Variants in SDK1 observed in about 807,000 individuals in gnomAD.
The protein encoded by SDK1 is protein sidekick-1.
SDK1 carries 157 observed loss-of-function variants against 245.5 expected under a neutral mutation model. The observed-to-expected ratio is 0.64, with a 90% CI of 0.56 to 0.73. The LOEUF is 0.73. Among genes scored for constraint, SDK1 ranks in the 30% least tolerant of loss-of-function variants. The pLI is 0.00. For missense variants in SDK1, 3,583 were observed against 3,002.3 expected (o/e 1.19, Z -4.52); for synonymous variants, 1,647 against 1,278.5 (o/e 1.29, Z -6.15).
rs601424 is a variant in SDK1, at chr7:4,174,245, T to C, written c.4824T>C (p.Asn1608=). 1,073,339 of 1,613,212 alleles carry C rather than the reference T, an allele frequency of 0.67. 358,530 individuals are homozygous for C. Among genetic ancestry groups the C allele is most frequent in the East Asian group, 0.76 (34,197 of 44,838 alleles). ...QWQPPRDESL[N]GLLQGYRIYY... ...AGCCTCCGAGGGACGAAAGCCTGAATGGCCTTCTTCAGGGATACAGGATCT... is the reference window on the plus strand; with the variant it reads ...AGCCTCCGAGGGACGAAAGCCTGAACGGCCTTCTTCAGGGATACAGGATCT... Residue 1608 remains asparagine, a synonymous_variant, in exon 33 of 45, where the codon AAT becomes AAC. Coordinates refer to ENST00000404826, the MANE Select transcript of SDK1 (RefSeq NM_152744.4).
intron 5 of SDK1, among the ~76,000 whole-genome samples, chr7:3,828,992 C>A (rs1779849532): frequency 6.6e-6 from 1 of 151,962 alleles, no homozygotes; most frequent in Non-Finnish European, 1.5e-5. Context: ...TTTTCAGAGG[C>A]TGTGATATGA....
At chr7:3,784,732 A>C (rs1780848122) in intron 4 of SDK1, among the ~76,000 whole-genome samples, 1 of 152,234 alleles carries the variant, frequency 6.6e-6, no homozygotes, top group Non-Finnish European at 1.5e-5. Context: ...CAGGATGTGA[A>C]GGAAAGGGAA....
At chr7:4,184,282 A>G (rs904320340) in intron 35 of SDK1, among the ~76,000 whole-genome samples, 1 of 152,184 alleles carries the variant, frequency 6.6e-6, no homozygotes, top group Non-Finnish European at 1.5e-5. Context: ...CCCATAGGTA[A>G]GCGTGCAGGT....
At chr7:3,736,699 G>A (rs1251110333) in intron 4 of SDK1, among the ~76,000 whole-genome samples, 1 of 152,188 alleles carries the variant, frequency 6.6e-6, no homozygotes, top group Non-Finnish European at 1.5e-5. Flanking sequence ...TATACAGCGT[G>A]ATGCTTTGAT....
intron 1 of SDK1, among the ~76,000 whole-genome samples, chr7:3,516,118 C>CTT (rs11371619): frequency 0.083 from 11,584 of 139,922 alleles, 556 homozygotes; most frequent in East Asian, 0.22. Flanking sequence ...AAGATATTTT[C>CTT]TTTTTTTTTT....
chr7:3,427,290 A>G (rs1779704948), intron 1 of SDK1, among the ~76,000 whole-genome samples: 1 of 152,188 alleles, frequency 6.6e-6, no homozygotes. Flanking sequence ...AGGCCGAGAC[A>G]GACGGATTGC....
intron 1 of SDK1, among the ~76,000 whole-genome samples, chr7:3,475,439 G>A (rs1416572803): frequency 6.6e-6 from 1 of 152,168 alleles, no homozygotes; most frequent in Non-Finnish European, 1.5e-5. Flanking sequence ...TCCACCCTTG[G>A]AGCACGTCTC....
At chr7:3,433,888 A>G (rs1417642861) in intron 1 of SDK1, among the ~76,000 whole-genome samples, 1 of 152,260 alleles carries the variant, frequency 6.6e-6, no homozygotes, top group Non-Finnish European at 1.5e-5. Context: ...ACACAGTTTT[A>G]CATGAAAGTC....
chr7:3,519,178 A>G (rs1200762012), intron 1 of SDK1, among the ~76,000 whole-genome samples: 1 of 152,098 alleles, frequency 6.6e-6, no homozygotes, highest in Non-Finnish European at 1.5e-5. Flanking sequence ...TTGTTAAAGG[A>G]TATGAAACTC....
At chr7:4,232,413 T>C (rs1785850174) in intron 40 of SDK1, among the ~76,000 whole-genome samples, 2 of 125,524 alleles carry the variant, frequency 1.6e-5, no homozygotes, top group African/African-American at 5.7e-5. Flanking sequence ...TTTTCTTTCT[T>C]TTTTTTTTTT....
At chr7:3,903,109 G>GT (rs1057377344) in intron 5 of SDK1, among the ~76,000 whole-genome samples, 1 of 150,642 alleles carries the variant, frequency 6.6e-6, no homozygotes, top group East Asian at 1.9e-4. Flanking sequence ...AGGATGACAG[G>GT]TTTTTTAGTT....
At chr7:3,803,070 A>C (rs889635791) in intron 4 of SDK1, among the ~76,000 whole-genome samples, 1 of 152,050 alleles carries the variant, frequency 6.6e-6, no homozygotes, top group East Asian at 1.9e-4. Flanking sequence ...TGGCTATACT[A>C]TTTTTCATTC....
intron 22 of SDK1, among the ~76,000 whole-genome samples, chr7:4,081,996 C>G (rs192474807): frequency 1.8e-4 from 27 of 152,288 alleles, no homozygotes; most frequent in Admixed American, 1.6e-3. Context: ...AAACCAGACC[C>G]CTGCTTGGAG....
At chr7:3,887,590 C>G (rs1781366213) in intron 5 of SDK1, among the ~76,000 whole-genome samples, 1 of 152,166 alleles carries the variant, frequency 6.6e-6, no homozygotes, top group African/African-American at 2.4e-5. Context: ...GTTGCTATTG[C>G]TAATAAAATT....
chr7:3,405,447 A>G (rs75607118), intron 1 of SDK1, among the ~76,000 whole-genome samples: 3,452 of 152,300 alleles, frequency 0.023, 143 homozygotes, highest in African/African-American at 0.078. Flanking sequence ...TTTATTCTGA[A>G]TATAGTATGC....
At chr7:4,236,376 C>T (rs1036691622) in intron 41 of SDK1, among the ~76,000 whole-genome samples, 2 of 152,198 alleles carry the variant, frequency 1.3e-5, no homozygotes, top group African/African-American at 4.8e-5. Flanking sequence ...GGAAGAAGAG[C>T]GTCCTTCAAA....
intron 25 of SDK1, among the ~76,000 whole-genome samples, chr7:4,116,857 A>G (rs1426746399): frequency 1.3e-5 from 2 of 152,192 alleles, no homozygotes; most frequent in African/African-American, 4.8e-5. Context: ...TGAGAGGACC[A>G]GTGTTTCAGG....
chr7:3,376,600 C>T lies in SDK1; in HGVS notation c.298+74716C>T, dbSNP rs371643834. ...CCAGATTCACAGAGGTGAAAAAGAC[C>T]GACAAGGTTAAAGAGATTCCTTGAT... On this transcript the variant is annotated intron_variant, in intron 1 of 44. Transcript: ENST00000404826. Among the ~76,000 whole-genome samples, 187 of 152,198 alleles carry T rather than the reference C, an allele frequency of 1.2e-3. No individual in the cohort carries two copies. The Middle Eastern group carries it at 0.034, about 28-fold the overall frequency.
intron 1 of SDK1, among the ~76,000 whole-genome samples, chr7:3,446,085 G>A (rs1032138074): frequency 7.3e-5 from 11 of 151,668 alleles, no homozygotes; most frequent in Non-Finnish European, 1.3e-4. Flanking sequence ...GCTCCCTTCT[G>A]GTCCTCTTTA....
Sources: allele counts gnomAD v4.1 joint callset (sites outside exome capture counted in the v4.1 genomes callset), GRCh38; gene constraint gnomAD v4.1.1; transcripts MANE v1.5; gene names NCBI Gene and HGNC (gene_info 2026-07-23, HGNC 2026-07-21).